Variants in CLSPN observed in about 807,000 individuals in gnomAD.
The protein encoded by CLSPN is claspin.
Under a neutral mutation model 156.3 loss-of-function variants are expected in CLSPN, and 85 were observed. That is an observed-to-expected ratio of 0.54 (90% CI 0.46 to 0.65). The LOEUF (loss-of-function observed/expected upper bound fraction) is 0.65, where lower values mean the gene tolerates loss of function less well. Among genes scored for constraint, CLSPN ranks in the 30% least tolerant of loss-of-function variants. The pLI, the probability that CLSPN is intolerant of heterozygous loss-of-function variation, is 0.00. For synonymous variants in CLSPN, 534 were observed against 542.4 expected, an observed-to-expected ratio of 0.98 and a Z score of 0.22; for missense variants, 1,407 against 1,554.9, an observed-to-expected ratio of 0.90 and a Z score of 1.60.
chr1:35,734,089 C>G lies in CLSPN; in HGVS notation c.*2407G>C. 1 of 985,426 alleles carries G rather than the reference C, an allele frequency of 1.0e-6. No homozygotes were observed. The highest frequency in any genetic ancestry group is 4.7e-5 in the South Asian group (1 of 21,284). 61.0% of individuals were successfully genotyped at this position (985,426 alleles called of 1,614,324 possible). ...AAACCACTTGGTAAGTTAACTTGAT[C>G]AATTCACTAGGACTGAGAAGCCAGT... On this transcript the variant is annotated 3_prime_UTR_variant, in exon 25 of 25. Coordinates refer to ENST00000318121, the MANE Select transcript of CLSPN (RefSeq NM_022111.4).
chr1:35,735,658 A>G lies in CLSPN; in HGVS notation c.*838T>C. On this transcript the variant is annotated 3_prime_UTR_variant, in exon 25 of 25. Transcript: ENST00000318121. ...GGGAGGCAGAGGTTGCCGTGAGCCG[A>G]GATTGCGCCACTGCACTCCAGACTG... 1.1e-6 allele frequency: 1 copy of G among 916,318 alleles called. No homozygotes were observed. Among genetic ancestry groups the G allele is most frequent in the South Asian group, 5.0e-5 (1 of 19,848 alleles). 56.8% of individuals were successfully genotyped at this position (916,318 alleles called of 1,614,324 possible). A position where few individuals can be genotyped will look rare whatever the true frequency, so the allele number is the denominator to read the frequency against.
At chr1:35,749,066 C>A (rs1641994980) in intron 12 of CLSPN, among the ~76,000 whole-genome samples, 1 of 152,058 alleles carries the variant, frequency 6.6e-6, no homozygotes, top group Non-Finnish European at 1.5e-5. Flanking sequence ...ACCTCATGAT[C>A]CGCCTGCCTC....
At chr1:35,766,586 A>G (rs1326253581) in intron 1 of CLSPN, among the ~76,000 whole-genome samples, 1 of 151,854 alleles carries the variant, frequency 6.6e-6, no homozygotes, top group Non-Finnish European at 1.5e-5. Flanking sequence ...CTGGGATTAC[A>G]GGCATGTGTC....
In CLSPN at chr1:35,764,721, GA is replaced by G. The variant is rs564344638; in HGVS notation, c.134-8del. 7,701 of 1,543,416 alleles carry G rather than the reference GA, an allele frequency of 5.0e-3. 36 individuals are homozygous for G. Among genetic ancestry groups the G allele is most frequent in the Non-Finnish European group, 6.3e-3 (7,255 of 1,149,562 alleles). On this transcript the variant is annotated splice_polypyrimidine_tract_variant and splice_region_variant and intron_variant, in intron 2 of 24. Transcript: ENST00000318121. ...AATATCTCTTCATCTGAATCTGGAG[GA>G]AACAATTTTCTTTTAATTATACCAT...
Position 35,751,344 on chromosome 1 carries a change from T to C in CLSPN, c.1934A>G (p.Asp645Gly). 6.3e-7 allele frequency: 1 copy of C among 1,598,890 alleles called. No homozygotes were observed. The highest frequency in any genetic ancestry group is 1.7e-5 in the Admixed American group (1 of 59,980). The change falls in exon 10 of 25, where the codon GAT (aspartate) becomes GGT (glycine). Residue 645 changes from aspartate to glycine, a missense_variant. Coordinates refer to ENST00000318121, the MANE Select transcript of CLSPN (RefSeq NM_022111.4). The part of the protein sequence containing the change: ...EEEMTDESEE[D>G]GEEKVEKEEK... The stretch of plus-strand genomic sequence containing the variant: ...TTCTTTCTCTACCTTCTCTTCTCCA[T>C]CTTCCTCAGACTCATCTGTCATTTC...
chr1:35,762,360 G>A (rs2148626300), intron 5 of CLSPN, 44 bp downstream of exon 5: 2 of 1,421,322 alleles, frequency 1.4e-6, no homozygotes, highest in Non-Finnish European at 9.9e-7. Flanking sequence ...ATAATCTCCT[G>A]TGTAAAGAGA....
intron 14 of CLSPN, among the ~76,000 whole-genome samples, chr1:35,747,278 C>T (rs1025458195): frequency 3.0e-4 from 46 of 151,458 alleles, no homozygotes; most frequent in Non-Finnish European, 4.4e-4. Flanking sequence ...GCCGAGATCG[C>T]GCCACTGCAC....
chr1:35,745,574 C>G lies in CLSPN; in HGVS notation c.2855-12G>C, dbSNP rs768545489. 6.4e-7 allele frequency: 1 copy of G among 1,560,300 alleles called. No homozygotes were observed. The highest frequency in any genetic ancestry group is 8.8e-7 in the Non-Finnish European group (1 of 1,130,978). On this transcript the variant is annotated splice_polypyrimidine_tract_variant and intron_variant, in intron 15 of 24. Transcript: ENST00000318121. ...TGGAGTGGAGGCATCTACATCACAA[C>G]AAGGAAAAGATGTGTCACCAAGGAA... is the stretch of plus-strand genomic sequence containing the variant.
At position 35,751,366 on chromosome 1, in the gene CLSPN, T is replaced by G; in HGVS notation, c.1912A>C (p.Met638Leu). 1 of 1,609,372 alleles carries G rather than the reference T, an allele frequency of 6.2e-7. No homozygotes were observed. The highest frequency in any genetic ancestry group is 8.5e-7 in the Non-Finnish European group (1 of 1,176,912). Residue 638 changes from methionine to leucine, a missense_variant, in exon 10 of 25, where the codon ATG becomes CTG. Physicochemically the swap from Met to Leu is conservative, Grantham distance 15. Transcript: ENST00000318121. ...CCATCTTCCTCAGACTCATCTGTCATTTCTTCCTCTTCCTCCTCCTCTTCC... is the reference window on the plus strand; with the variant it reads ...CCATCTTCCTCAGACTCATCTGTCAGTTCTTCCTCTTCCTCCTCCTCTTCC... ...FEEEEEEEEE[M>L]TDESEEDGEE...
chr1:35,736,218 T>TA lies in CLSPN; in HGVS notation c.*277dup, dbSNP rs80209680. ...GGGCAACAGAGTGAGACTCCCATCT[T>TA]AAAAAAAAAAAAAAAAAGGAAACCT... is the stretch of plus-strand genomic sequence containing the variant. On this transcript the variant is annotated 3_prime_UTR_variant, in exon 25 of 25. Transcript: ENST00000318121. The TA allele has an allele frequency of 0.1, 88,709 of 866,362 alleles. 18 individuals carry two copies. The highest frequency in any genetic ancestry group is 0.11 in the Non-Finnish European group (79,309 of 729,202). 53.7% of individuals were successfully genotyped at this position (866,362 alleles called of 1,614,324 possible).
chr1:35,733,307 TTC>T lies in CLSPN; in HGVS notation c.*3187_*3188del. The T allele has an allele frequency of 4.0e-6, 1 of 249,014 alleles. No individual in the cohort carries two copies. The highest frequency in any genetic ancestry group is 6.1e-6 in the Non-Finnish European group (1 of 162,622). The allele number at this position is 249,014 out of a possible 1,614,324, so 15.4% of individuals were successfully genotyped here. On this transcript the variant is annotated 3_prime_UTR_variant, in exon 25 of 25. Coordinates refer to ENST00000318121, the MANE Select transcript of CLSPN (RefSeq NM_022111.4). ...TCCCTGGATTTCTCAGGCACTAATTTTCTTTTTTTTTTCTTTTTTTTTTTTTT... is the reference window on the plus strand; with the variant it reads ...TCCCTGGATTTCTCAGGCACTAATTTTTTTTTTTTTCTTTTTTTTTTTTTT...
downstream of CLSPN, among the ~76,000 whole-genome samples, chr1:35,731,917 G>A (rs1326009907): frequency 6.6e-6 from 1 of 152,158 alleles, no homozygotes; most frequent in Non-Finnish European, 1.5e-5. Flanking sequence ...TACAATATAT[G>A]ATATAATTGT....
Position 35,764,445 on chromosome 1 carries a change from T to A in CLSPN, c.403A>T (p.Ser135Cys). The stretch of plus-strand genomic sequence containing the variant: ...TCTGTAGAGTTTCCAGACTGAAGAC[T>A]CAGCTCTAAGCAAGGTTTCACTTGC... ...EAQVKPCLEL[S>C]LQSGNSTDFT... The change falls in exon 3 of 25, where the codon AGT becomes TGT. Residue 135 changes from serine to cysteine, a missense_variant. Ser to Cys is a moderately radical substitution (Grantham distance 112). Around this residue, in one of 3 missense-constraint regions of CLSPN, gnomAD observed 1,096 missense variants for 1,193.0 expected, o/e 0.92. Transcript: ENST00000318121. The A allele has an allele frequency of 6.2e-7, 1 of 1,614,192 alleles. No individual in the cohort carries two copies. Among genetic ancestry groups the A allele is most frequent in the Non-Finnish European group, 8.5e-7 (1 of 1,180,026 alleles).
Position 35,760,727 on chromosome 1 carries a change from C to A in CLSPN, c.1194G>T (p.Arg398Ser). 6.2e-7 allele frequency: 1 copy of A among 1,614,084 alleles called. No individual in the cohort carries two copies. The highest frequency in any genetic ancestry group is 8.5e-7 in the Non-Finnish European group (1 of 1,180,036). Residue 398 changes from arginine to serine, a missense_variant, in exon 8 of 25, where the codon AGG becomes AGT. By Grantham distance (110) the Arg-to-Ser change is moderately radical. Coordinates refer to ENST00000318121, the MANE Select transcript of CLSPN (RefSeq NM_022111.4). ...QIITGSDESC[R>S]KDLVKNEELE... ...GCTCTTCATTTTTTACCAAATCCTT[C>A]CTGCAAGACTCATCTGATCCAGTAA...
intron 12 of CLSPN, 200 bp from the exon 13 acceptor site, chr1:35,748,804 G>T: frequency 4.0e-5 from 19 of 480,622 alleles, no homozygotes; most frequent in Middle Eastern, 5.2e-4. Context: ...TCTGAGCTAA[G>T]TGACACTTGA....
chr1:35,751,557 T>C (rs1489991867), intron 9 of CLSPN, 51 bp from the exon 10 acceptor site: 1 of 1,558,070 alleles, frequency 6.4e-7, no homozygotes, highest in African/African-American at 1.4e-5. Flanking sequence ...TAATTAGGTA[T>C]GCATTTTAGG....
At position 35,726,152 on chromosome 1, in the gene CLSPN, C is replaced by CAAAAAAAAAAAAAAAAAAAAAAAAAAA. The variant is rs3041363; in HGVS notation, c.3910-5173_3910-5172insTTTTTTTTTTTTTTTTTTTTTTTTTTT. Reference sequence around the variant, plus strand: ...ACACACCCATAGAAACAGATGCAGACAAAAAAAAAAAAAAAAAAAAAAAGC... The same window carrying CAAAAAAAAAAAAAAAAAAAAAAAAAAA: ...ACACACCCATAGAAACAGATGCAGACAAAAAAAAAAAAAAAAAAAAAAAAAAAAAAAAAAAAAAAAAAAAAAAAAAGC... On this transcript the variant is annotated intron_variant, in intron 24 of 24. Coordinates refer to the CLSPN transcript ENST00000251195. Among the ~76,000 whole-genome samples, 35 of 48,200 alleles carry CAAAAAAAAAAAAAAAAAAAAAAAAAAA rather than the reference C, an allele frequency of 7.3e-4. 10 individuals are homozygous for CAAAAAAAAAAAAAAAAAAAAAAAAAAA. Among genetic ancestry groups the CAAAAAAAAAAAAAAAAAAAAAAAAAAA allele is most frequent in the Non-Finnish European group, 9.5e-4 (26 of 27,330 alleles). The allele number at this position is 48,200 out of a possible 152,430, so 31.6% of individuals were successfully genotyped here.
chr1:35,753,477 G>T (rs1398611865), intron 9 of CLSPN, among the ~76,000 whole-genome samples: 1 of 152,080 alleles, frequency 6.6e-6, no homozygotes, highest in African/African-American at 2.4e-5. Context: ...GTCTCTGATA[G>T]AAGATTAAGT....
At position 35,732,633 on chromosome 1, in the gene CLSPN, A is replaced by G. The variant is rs1641344975; in HGVS notation, c.*3863T>C. On this transcript the variant is annotated 3_prime_UTR_variant, in exon 25 of 25. Transcript: ENST00000318121. ...GGAAGAAACAAAAACACTGACACTGAGCCTACCCTATCTCCCACACTCATG... is the reference window on the plus strand; with the variant it reads ...GGAAGAAACAAAAACACTGACACTGGGCCTACCCTATCTCCCACACTCATG... The G allele has an allele frequency of 3.0e-6, 3 of 985,322 alleles. No individual in the cohort carries two copies. In the South Asian group the frequency reaches 1.4e-4, roughly 46 times the overall value. 61.0% of individuals were successfully genotyped at this position (985,322 alleles called of 1,614,324 possible).
Sources: gnomAD v4.1 joint callset for allele counts (sites outside exome capture counted in the v4.1 genomes callset) on GRCh38, gnomAD v4.1.1 for gene constraint, gnomAD v4.1.1 regional missense constraint, MANE v1.5 for transcripts, NCBI Gene and HGNC (gene_info 2026-07-23, HGNC 2026-07-21) for gene names.